PLCB1: variants seen among roughly 807,000 people sequenced by gnomAD.
The protein encoded by PLCB1 is phospholipase C beta 1.
PLCB1 carries 46 observed loss-of-function variants against 161.8 expected under a neutral mutation model. The ratio of observed to expected loss-of-function variants is 0.28; its 90% CI spans 0.22 to 0.36. PLCB1 has a LOEUF of 0.36. PLCB1 is among the 10% of genes least tolerant of loss of function. The pLI, the probability that PLCB1 is intolerant of heterozygous loss-of-function variation, is 1.00. For synonymous variants in PLCB1, 517 were observed against 503.7 expected (o/e 1.03, Z -0.35); for missense variants, 1,016 against 1,472.5 (o/e 0.69, Z 5.07).
chr20:8,280,068 G>A (rs113403041), intron 2 of PLCB1, among the ~76,000 whole-genome samples: 3,812 of 152,264 alleles, frequency 0.025, 125 homozygotes, highest in African/African-American at 0.075. Context: ...GGGCATGGTG[G>A]CTCACGCCTG....
At chr20:8,523,494 C>CCATATATATATATATATATA (rs1555766825) in intron 3 of PLCB1, among the ~76,000 whole-genome samples, 1 of 49,584 alleles carries the variant, frequency 2.0e-5, no homozygotes, top group African/African-American at 8.0e-5. Context: ...CTCTCTCTCT[C>CCATATATATATATATATATA]TCTATATATA....
rs561957392 is a variant in PLCB1, at chr20:8,147,903, C to T, written c.100-2391C>T. Among the ~76,000 whole-genome samples, 71 of 134,034 alleles carry T rather than the reference C, an allele frequency of 5.3e-4. 2 individuals are homozygous for T. In the South Asian group the frequency reaches 0.014, roughly 26 times the overall value. The allele number at this position is 134,034 out of a possible 152,430, so 87.9% of individuals were successfully genotyped here. On this transcript the variant is annotated intron_variant, in intron 1 of 31. Coordinates refer to ENST00000338037, the MANE Select transcript of PLCB1 (RefSeq NM_015192.4). ...TTTTTTTTTTTTTGAGACGGCGTCT[C>T]GCTCTGTCACCCAGGCTGGAGTGCA...
intron 9 of PLCB1, among the ~76,000 whole-genome samples, chr20:8,676,440 AAG>A (rs1422095945): frequency 2.0e-5 from 3 of 152,028 alleles, no homozygotes; most frequent in Admixed American, 6.5e-5. Context: ...GAAAGAGAGA[AAG>A]AGTACCATTT....
rs887183769 is a variant in PLCB1 at position 8,132,483 on chromosome 20, G to A, written c.-169G>A. 8.4e-6 allele frequency: 3 copies of A among 358,984 alleles called. No individual in the cohort carries two copies. The highest frequency in any genetic ancestry group is 1.5e-5 in the Non-Finnish European group (3 of 200,872). The allele number at this position is 358,984 out of a possible 1,614,324, so 22.2% of individuals were successfully genotyped here. A position where few individuals can be genotyped will look rare whatever the true frequency, so the allele number is the denominator to read the frequency against. ...CCCCCGCGCGCTCTGCCTGCTGAGC[G>A]GCGCCGGAGGGAGGTGCGGAGGCCG... On this transcript the variant is annotated 5_prime_UTR_variant, in exon 1 of 32. Coordinates refer to ENST00000338037, the MANE Select transcript of PLCB1 (RefSeq NM_015192.4). The surrounding 1 kb of genome is among the most constrained non-coding windows in gnomAD (Gnocchi z 5.2).
chr20:8,189,075 T>C (rs922420620), intron 2 of PLCB1, among the ~76,000 whole-genome samples: 1 of 152,048 alleles, frequency 6.6e-6, no homozygotes, highest in African/African-American at 2.4e-5. Context: ...TCATTCTCTA[T>C]CTCTGTACAT....
At chr20:8,146,786 C>T (rs2051458258) in intron 1 of PLCB1, among the ~76,000 whole-genome samples, 1 of 152,088 alleles carries the variant, frequency 6.6e-6, no homozygotes. Context: ...TACTAAATAA[C>T]ATCTTCTTAA....
chr20:8,155,909 G>C (rs768496029), intron 2 of PLCB1, among the ~76,000 whole-genome samples: 23 of 152,286 alleles, frequency 1.5e-4, no homozygotes, highest in Non-Finnish European at 3.4e-4. Flanking sequence ...GCTTTGTGAG[G>C]GCTGGGATTG....
intron 2 of PLCB1, among the ~76,000 whole-genome samples, chr20:8,227,036 A>G (rs191579391): frequency 1.7e-4 from 26 of 152,264 alleles, no homozygotes; most frequent in African/African-American, 6.3e-4. Context: ...AACATCTGAA[A>G]TGTTATCATT....
At chr20:8,683,643 A>G (rs1990275914) in intron 9 of PLCB1, among the ~76,000 whole-genome samples, 1 of 152,172 alleles carries the variant, frequency 6.6e-6, no homozygotes, top group Non-Finnish European at 1.5e-5. Context: ...AAAGTTGACA[A>G]AAGAATTTTG....
chr20:8,824,059 T>C (rs115170709), intron 31 of PLCB1, among the ~76,000 whole-genome samples: 4,021 of 152,232 alleles, frequency 0.026, 170 homozygotes, highest in African/African-American at 0.092. Flanking sequence ...CTTGTTGGAA[T>C]TGACACATCC....
At chr20:8,624,300 C>A (rs1988270006) in intron 3 of PLCB1, among the ~76,000 whole-genome samples, 2 of 152,060 alleles carry the variant, frequency 1.3e-5, no homozygotes, top group Non-Finnish European at 2.9e-5. Flanking sequence ...ATCAAATTAA[C>A]CTACACAAAT....
At chr20:8,868,873 A>C (rs1987517254) in intron 31 of PLCB1, among the ~76,000 whole-genome samples, 1 of 152,012 alleles carries the variant, frequency 6.6e-6, no homozygotes, top group African/African-American at 2.4e-5. Flanking sequence ...GCCTCAAGTG[A>C]TCCACCCACC....
chr20:8,685,506 C>G (rs148814852), intron 10 of PLCB1, among the ~76,000 whole-genome samples: 4 of 149,522 alleles, frequency 2.7e-5, no homozygotes, highest in African/African-American at 9.8e-5. Flanking sequence ...GGCGGATCAC[C>G]TGAGGTCAGG....
intron 9 of PLCB1, among the ~76,000 whole-genome samples, chr20:8,675,452 A>G (rs1157519818): frequency 6.6e-6 from 1 of 152,156 alleles, no homozygotes; most frequent in Non-Finnish European, 1.5e-5. Flanking sequence ...TCATTAGAAA[A>G]AATATAAAGA....
At chr20:8,438,195 G>C (rs1980394851) in intron 3 of PLCB1, among the ~76,000 whole-genome samples, 1 of 151,986 alleles carries the variant, frequency 6.6e-6, no homozygotes, top group African/African-American at 2.4e-5. Context: ...GGTGTTTCCA[G>C]GAAAGATATT....
At chr20:8,417,071 ATATTTTTTTTTTTTTTTT>A (rs1979326753) in intron 3 of PLCB1, among the ~76,000 whole-genome samples, 1 of 51,658 alleles carries the variant, frequency 1.9e-5, no homozygotes, top group Non-Finnish European at 4.2e-5. Context: ...ATATATATAT[ATATTTTTTTTTTTTTTTT>A]TTTTTTTTTT....
intron 3 of PLCB1, among the ~76,000 whole-genome samples, chr20:8,622,884 C>T (rs1988223821): frequency 6.6e-6 from 1 of 151,988 alleles, no homozygotes; most frequent in African/African-American, 2.4e-5. Flanking sequence ...ATTACTTTTG[C>T]ACCAACCTAA....
At chr20:8,196,411 C>T (rs1418644502) in intron 2 of PLCB1, among the ~76,000 whole-genome samples, 1 of 152,030 alleles carries the variant, frequency 6.6e-6, no homozygotes, top group Non-Finnish European at 1.5e-5. Context: ...AAGTGTATCA[C>T]ATTTAGAAAG....
intron 3 of PLCB1, among the ~76,000 whole-genome samples, chr20:8,444,014 G>C (rs912177247): frequency 6.6e-6 from 1 of 151,858 alleles, no homozygotes; most frequent in African/African-American, 2.4e-5. Context: ...ATTTGAATTT[G>C]TCTCTTTACT....
Sources: allele counts gnomAD v4.1 joint callset (sites outside exome capture counted in the v4.1 genomes callset), GRCh38; gene constraint gnomAD v4.1.1; non-coding constraint Gnocchi (gnomAD v3.1); transcripts MANE v1.5; gene names NCBI Gene and HGNC (gene_info 2026-07-23, HGNC 2026-07-21).